Variants in LCORL observed in about 807,000 individuals in gnomAD.
LCORL encodes the protein ligand dependent nuclear receptor corepressor like, also known as ligand-dependent nuclear receptor corepressor-like protein.
Under a neutral mutation model 141.8 loss-of-function variants are expected in LCORL, and 41 were observed. The observed-to-expected ratio is 0.29, with a 90% CI of 0.23 to 0.38. LCORL has a LOEUF of 0.38. LCORL is among the 10% of genes least tolerant of loss of function. LCORL has a pLI of 1.00. For synonymous variants in LCORL, 618 were observed against 694.1 expected, an observed-to-expected ratio of 0.89 and a Z score of 1.72; for missense variants, 1,759 against 2,035.0, an observed-to-expected ratio of 0.86 and a Z score of 2.61.
chr4:17,975,385 C>T (rs1484190478), intron 1 of LCORL, among the ~76,000 whole-genome samples: 3 of 151,200 alleles, frequency 2.0e-5, no homozygotes, highest in African/African-American at 7.3e-5. Context: ...AAATCTTTCT[C>T]TTTGCTGAAT....
intron 5 of LCORL, among the ~76,000 whole-genome samples, chr4:17,905,995 T>C (rs1426312874): frequency 6.6e-6 from 1 of 152,222 alleles, no homozygotes. Flanking sequence ...TCATTGTTAA[T>C]GAAACTCTTC....
chr4:18,012,464 A>T (rs1016488710), intron 1 of LCORL, among the ~76,000 whole-genome samples: 10 of 152,308 alleles, frequency 6.6e-5, no homozygotes, highest in Non-Finnish European at 1.3e-4. Context: ...TAATATTTTG[A>T]TTTTTTATTC....
Position 17,963,062 on chromosome 4 carries a change from G to T in LCORL, c.221-13C>A. ...TCTGGTTCACAGTCTTTAAAAGAGG[G>T]AAAAAATTCATTAAATATACTAACT... On this transcript the variant is annotated splice_polypyrimidine_tract_variant and intron_variant, in intron 2 of 7. Transcript: ENST00000635767. 1 of 1,490,700 alleles carries T rather than the reference G, an allele frequency of 6.7e-7. No homozygotes were observed. Among genetic ancestry groups the T allele is most frequent in the Non-Finnish European group, 9.2e-7 (1 of 1,088,446 alleles). 92.3% of individuals were successfully genotyped at this position (1,490,700 alleles called of 1,614,324 possible). A position where few individuals can be genotyped will look rare whatever the true frequency, so the allele number is the denominator to read the frequency against.
intron 4 of LCORL, among the ~76,000 whole-genome samples, chr4:17,920,990 A>C (rs894818601): frequency 6.6e-6 from 1 of 152,002 alleles, no homozygotes; most frequent in African/African-American, 2.4e-5. Flanking sequence ...TGATATTCTG[A>C]CTTCCTCCCA....
At position 17,931,252 on chromosome 4, in the gene LCORL, T is replaced by C. The variant is rs183769734; in HGVS notation, c.431-21907A>G. On this transcript the variant is annotated intron_variant, in intron 4 of 7. Coordinates refer to ENST00000635767, the Ensembl canonical transcript of LCORL. Reference sequence around the variant, plus strand: ...TTAGGTTAACTAGTGGTCTATTTTGTTGACTTTTTCAAAGAATCAGTATTT... The same window carrying C: ...TTAGGTTAACTAGTGGTCTATTTTGCTGACTTTTTCAAAGAATCAGTATTT... Among the ~76,000 whole-genome samples, 181 of 152,272 alleles carry C rather than the reference T, an allele frequency of 1.2e-3. 3 individuals are homozygous for C. Among genetic ancestry groups the C allele is most frequent in the Non-Finnish European group, 5.9e-5 (4 of 67,992 alleles).
chr4:17,878,373 A>C (rs7699317), intron 6 of LCORL, 160 bp from the exon 7 acceptor site: 6,858 of 182,062 alleles, frequency 0.038, 497 homozygotes, highest in African/African-American at 0.15. Flanking sequence ...TAGCAAAAAT[A>C]TAATGAAGCA....
At chr4:17,946,859 T>G (rs1019546404) in intron 4 of LCORL, among the ~76,000 whole-genome samples, 1 of 151,866 alleles carries the variant, frequency 6.6e-6, no homozygotes, top group Non-Finnish European at 1.5e-5. Flanking sequence ...TAAGAGCTAT[T>G]AAAAGAAGAA....
chr4:17,913,930 G>T (rs1292954496), intron 4 of LCORL, among the ~76,000 whole-genome samples: 1 of 152,142 alleles, frequency 6.6e-6, no homozygotes. Flanking sequence ...GCTTATGTTG[G>T]GAAATAAACT....
At chr4:17,988,182 C>T (rs1049771620) in intron 1 of LCORL, among the ~76,000 whole-genome samples, 22 of 152,324 alleles carry the variant, frequency 1.4e-4, no homozygotes, top group South Asian at 1.2e-3. Flanking sequence ...CCTTGCCTTC[C>T]GCCGTGATTG....
chr4:17,978,595 A>AAT (rs35612234), intron 1 of LCORL, among the ~76,000 whole-genome samples: 1 of 151,726 alleles, frequency 6.6e-6, no homozygotes, highest in African/African-American at 2.4e-5. Context: ...AAAAAAAAAA[A>AAT]GTTTAGCTTT....
intron 5 of LCORL, among the ~76,000 whole-genome samples, chr4:17,906,594 A>G (rs1028337630): frequency 6.6e-6 from 1 of 152,286 alleles, no homozygotes; most frequent in Admixed American, 6.5e-5. Flanking sequence ...TTAAATAATT[A>G]CATGACTTGT....
intron 1 of LCORL, among the ~76,000 whole-genome samples, chr4:17,987,947 C>A (rs1422588868): frequency 6.6e-6 from 1 of 152,152 alleles, no homozygotes; most frequent in African/African-American, 2.4e-5. Context: ...TTTCTTGATA[C>A]AGGATGATAT....
intron 5 of LCORL, among the ~76,000 whole-genome samples, chr4:17,889,331 T>C (rs1001145458): frequency 1.3e-5 from 2 of 152,064 alleles, no homozygotes; most frequent in African/African-American, 2.4e-5. Flanking sequence ...TCTCCACATC[T>C]AGGCTATGTT....
intron 4 of LCORL, among the ~76,000 whole-genome samples, chr4:17,924,197 T>C (rs1290074901): frequency 6.6e-6 from 1 of 152,184 alleles, no homozygotes; most frequent in Non-Finnish European, 1.5e-5. Flanking sequence ...TTATATCTCA[T>C]CTGAGTGCTC....
Position 17,865,336 on chromosome 4 carries a change from C to G in LCORL, c.5602+8052G>C, listed in dbSNP as rs572077920. Among the ~76,000 whole-genome samples the G allele has an allele frequency of 5.9e-5, 9 of 152,240 alleles. No individual in the cohort carries two copies. The East Asian group carries it at 1.7e-3, about 29-fold the overall frequency. On this transcript the variant is annotated intron_variant, in intron 7 of 7. Coordinates refer to ENST00000635767, the Ensembl canonical transcript of LCORL. ...TTAGAAATCAGTACCAGAAATATATCTGAAAAATCCCTAAATATTTGGAAA... is the reference window on the plus strand; with the variant it reads ...TTAGAAATCAGTACCAGAAATATATGTGAAAAATCCCTAAATATTTGGAAA...
intron 4 of LCORL, among the ~76,000 whole-genome samples, chr4:17,948,086 G>A (rs1388351428): frequency 6.6e-6 from 1 of 151,932 alleles, no homozygotes; most frequent in Non-Finnish European, 1.5e-5. Context: ...AGGGAATAAT[G>A]GCTTTGTTTT....
At chr4:17,883,467 G>A in intron 6 of LCORL, 1 of 1,202,828 alleles carries the variant, frequency 8.3e-7, no homozygotes. Flanking sequence ...ATTTATACAA[G>A]GATTAAATAC....
At chr4:17,850,266 C>A (rs1412242107) in intron 7 of LCORL, among the ~76,000 whole-genome samples, 3 of 146,692 alleles carry the variant, frequency 2.0e-5, no homozygotes, top group South Asian at 2.3e-4. Context: ...GCAACAAAAG[C>A]CAAAATTGAC....
intron 1 of LCORL, among the ~76,000 whole-genome samples, chr4:18,017,044 A>C (rs1047711495): frequency 1.3e-5 from 2 of 152,168 alleles, no homozygotes; most frequent in Non-Finnish European, 2.9e-5. Context: ...TAAAATACAA[A>C]ATTAAGCTGG....
Sources: gnomAD v4.1 joint callset for allele counts (sites outside exome capture counted in the v4.1 genomes callset) on GRCh38, gnomAD v4.1.1 for gene constraint, MANE v1.5 for transcripts, NCBI Gene and HGNC (gene_info 2026-07-23, HGNC 2026-07-21) for gene names.